L3MBTL4: variants seen among roughly 807,000 people sequenced by gnomAD.
L3MBTL4 encodes L3MBTL histone methyl-lysine binding protein 4.
A neutral mutation model predicts 84.5 loss-of-function variants in L3MBTL4; 70 were observed. The observed-to-expected ratio is 0.83, with a 90% CI of 0.68 to 1.01. The LOEUF (loss-of-function observed/expected upper bound fraction) is 1.01. L3MBTL4 is among the 50% of genes least tolerant of loss of function. The probability of loss-of-function intolerance (pLI) is 0.00; values close to 1 mark genes in which losing one functional copy is unlikely to be tolerated. For synonymous variants in L3MBTL4, 274 were observed against 259.8 expected (o/e 1.05, Z -0.52); for missense variants, 715 against 754.8 (o/e 0.95, Z 0.62).
intron 1 of L3MBTL4, among the ~76,000 whole-genome samples, chr18:6,316,208 C>T (rs2051089697): frequency 6.6e-6 from 1 of 150,780 alleles, no homozygotes; most frequent in Admixed American, 6.6e-5. Context: ...GGACAGGTCA[C>T]ATCACTGGAC....
chr18:6,326,964 G>T (rs543791205), intron 1 of L3MBTL4, among the ~76,000 whole-genome samples: 1 of 152,148 alleles, frequency 6.6e-6, no homozygotes, highest in African/African-American at 2.4e-5. Flanking sequence ...ATGCACAGGG[G>T]AAAATAACTG....
chr18:6,275,324 CA>C (rs1228412127), intron 4 of L3MBTL4, among the ~76,000 whole-genome samples: 4 of 152,132 alleles, frequency 2.6e-5, no homozygotes, highest in Non-Finnish European at 5.9e-5. Flanking sequence ...ACTTCACTGT[CA>C]AATTTGATTT....
At chr18:6,152,973 C>T (rs1002398883) in intron 13 of L3MBTL4, among the ~76,000 whole-genome samples, 3 of 152,114 alleles carry the variant, frequency 2.0e-5, no homozygotes, top group African/African-American at 4.8e-5. Context: ...TTTCCCAGAA[C>T]CACTTATTAA....
At chr18:6,030,492 G>T in intron 16 of L3MBTL4, 1 of 954,318 alleles carries the variant, frequency 1.0e-6, no homozygotes, top group Non-Finnish European at 1.2e-6. Flanking sequence ...TTATTTTAAT[G>T]AAGAGACTCT....
In L3MBTL4 at chr18:6,300,572, G is replaced by A. The variant is rs151119896; in HGVS notation, c.127+1331C>T. On this transcript the variant is annotated intron_variant, in intron 4 of 18. Transcript: ENST00000317931. ...GCTATTTGAGATAAATATATACCTG[G>A]ATGTAATGAAACCGTAAATACTAAA... Among the ~76,000 whole-genome samples the A allele has an allele frequency of 7.2e-5, 11 of 152,244 alleles. No homozygotes were observed. The East Asian group carries it at 1.7e-3, about 24-fold the overall frequency.
At chr18:6,094,951 A>T (rs1320184570) in intron 14 of L3MBTL4, among the ~76,000 whole-genome samples, 1 of 152,182 alleles carries the variant, frequency 6.6e-6, no homozygotes, top group East Asian at 1.9e-4. Flanking sequence ...TGTAATAATC[A>T]GTATTGATCT....
At chr18:6,057,707 G>C (rs528655836) in intron 16 of L3MBTL4, among the ~76,000 whole-genome samples, 1 of 151,978 alleles carries the variant, frequency 6.6e-6, no homozygotes, top group Non-Finnish European at 1.5e-5. Context: ...AATAATGAAC[G>C]AGGGAGAACC....
intron 16 of L3MBTL4, among the ~76,000 whole-genome samples, chr18:5,975,833 A>G (rs932371316): frequency 6.6e-6 from 1 of 152,188 alleles, no homozygotes; most frequent in African/African-American, 2.4e-5. Context: ...CTTAGATGCC[A>G]AGTCATATTG....
intron 14 of L3MBTL4, among the ~76,000 whole-genome samples, chr18:6,125,517 C>G (rs541970075): frequency 2.6e-5 from 4 of 152,170 alleles, no homozygotes; most frequent in Non-Finnish European, 5.9e-5. Flanking sequence ...CAGCGTCAAC[C>G]TCCTGGGCTC....
chr18:6,345,215 C>CAAAA (rs35502624), intron 1 of L3MBTL4, among the ~76,000 whole-genome samples: 52 of 38,458 alleles, frequency 1.4e-3, no homozygotes, highest in East Asian at 2.1e-3. Context: ...TACTAAAATA[C>CAAAA]AAAAAAAAAA....
At chr18:6,056,752 G>T (rs2057040322) in intron 16 of L3MBTL4, among the ~76,000 whole-genome samples, 1 of 152,088 alleles carries the variant, frequency 6.6e-6, no homozygotes, top group Admixed American at 6.5e-5. Context: ...AGGCCATGGG[G>T]GAAAAGCTCT....
At chr18:6,248,162 T>A (rs1175825635) in intron 5 of L3MBTL4, among the ~76,000 whole-genome samples, 1 of 152,162 alleles carries the variant, frequency 6.6e-6, no homozygotes, top group Non-Finnish European at 1.5e-5. Flanking sequence ...ACTTTGTGTT[T>A]CTCCTTGAGC....
chr18:6,043,266 G>T (rs950335361), intron 16 of L3MBTL4, among the ~76,000 whole-genome samples: 2 of 151,970 alleles, frequency 1.3e-5, no homozygotes, highest in African/African-American at 4.8e-5. Flanking sequence ...CTTTAAACTT[G>T]TGGATGCCTC....
chr18:6,170,734 G>A (rs991882837), intron 13 of L3MBTL4, among the ~76,000 whole-genome samples: 2 of 152,010 alleles, frequency 1.3e-5, no homozygotes, highest in African/African-American at 4.8e-5. Context: ...GTACAGGGGT[G>A]TATTGGGGGG....
chr18:6,298,226 G>C (rs918277072), intron 4 of L3MBTL4, among the ~76,000 whole-genome samples: 8 of 152,062 alleles, frequency 5.3e-5, no homozygotes, highest in Non-Finnish European at 1.0e-4. Flanking sequence ...AATTTGGTAA[G>C]TTAAAAAATA....
At chr18:6,269,562 C>T (rs2048780279) in intron 4 of L3MBTL4, among the ~76,000 whole-genome samples, 1 of 152,110 alleles carries the variant, frequency 6.6e-6, no homozygotes, top group Non-Finnish European at 1.5e-5. Context: ...CTATTCATCC[C>T]AACTTTAATA....
At chr18:6,411,844 G>T (rs2055977639) in intron 1 of L3MBTL4, among the ~76,000 whole-genome samples, 1 of 152,088 alleles carries the variant, frequency 6.6e-6, no homozygotes, top group Non-Finnish European at 1.5e-5. Context: ...GTGGTTTTCT[G>T]TTGTTTAAGG....
At chr18:6,249,871 G>A (rs1056257562) in intron 5 of L3MBTL4, among the ~76,000 whole-genome samples, 1 of 152,098 alleles carries the variant, frequency 6.6e-6, no homozygotes, top group Non-Finnish European at 1.5e-5. Context: ...ATTACAGATC[G>A]ACTCGAGCCC....
At chr18:6,018,528 T>C (rs1035858977) in intron 16 of L3MBTL4, among the ~76,000 whole-genome samples, 2 of 152,316 alleles carry the variant, frequency 1.3e-5, no homozygotes, top group Middle Eastern at 3.4e-3. Context: ...TACTAAAGAC[T>C]TAGTGGCATC....
Sources: allele counts gnomAD v4.1 joint callset (sites outside exome capture counted in the v4.1 genomes callset), GRCh38; gene constraint gnomAD v4.1.1; transcripts MANE v1.5; gene names NCBI Gene and HGNC (gene_info 2026-07-23, HGNC 2026-07-21).